The following HS3ST4 variants were observed in gnomAD, a reference collection of about 807,000 sequenced individuals.
HS3ST4 encodes heparan sulfate-glucosamine 3-sulfotransferase 4.
HS3ST4 carries 17 observed loss-of-function variants against 29.2 expected under a neutral mutation model. That is an observed-to-expected ratio of 0.58 (90% confidence interval 0.40 to 0.87). HS3ST4 has a LOEUF of 0.87. Among genes scored for constraint, HS3ST4 ranks in the 40% least tolerant of loss-of-function variants. The pLI is 0.00. For synonymous variants in HS3ST4, 314 were observed against 285.7 expected (o/e 1.10, Z -1.00); for missense variants, 627 against 634.5 (o/e 0.99, Z 0.13).
chr16:25,909,207 G>A (rs962354995), intron 1 of HS3ST4, among the ~76,000 whole-genome samples: 4 of 151,610 alleles, frequency 2.6e-5, no homozygotes, highest in African/African-American at 9.7e-5. Context: ...TCTTTTTTTC[G>A]AGATGGGCTC....
chr16:26,134,832 A>G (rs1319736804), intron 1 of HS3ST4, among the ~76,000 whole-genome samples: 1 of 152,200 alleles, frequency 6.6e-6, no homozygotes, highest in Non-Finnish European at 1.5e-5. Flanking sequence ...GAGTAAATAC[A>G]TTAGGCTTTG....
chr16:26,066,728 C>A (rs939460668), intron 1 of HS3ST4, among the ~76,000 whole-genome samples: 1 of 152,254 alleles, frequency 6.6e-6, no homozygotes, highest in Non-Finnish European at 1.5e-5. Flanking sequence ...TGCTGAATTT[C>A]TCCTGCCTAA....
intron 1 of HS3ST4, among the ~76,000 whole-genome samples, chr16:26,042,493 G>A (rs184271353): frequency 1.3e-5 from 2 of 152,218 alleles, no homozygotes; most frequent in Admixed American, 1.3e-4. Flanking sequence ...TTATTTCTCT[G>A]TTGTCCACAT....
At chr16:26,095,426 A>G (rs570716846) in intron 1 of HS3ST4, among the ~76,000 whole-genome samples, 4 of 152,258 alleles carry the variant, frequency 2.6e-5, no homozygotes, top group Non-Finnish European at 4.4e-5. Context: ...CTCTCAGACC[A>G]CAGTGCCATC....
chr16:25,810,512 G>C lies in HS3ST4; in HGVS notation c.734+117361G>C, dbSNP rs149835825. ...TTGTTGAGCTCTACTTCTCTGTTGC[G>C]TTTCTCTCTAGTAGTTCTCTCATTT... On this transcript the variant is annotated intron_variant, in intron 1 of 1. Transcript: ENST00000331351. Among the ~76,000 whole-genome samples the C allele has an allele frequency of 1.1e-4, 17 of 152,200 alleles. No homozygotes were observed. In the East Asian group the frequency reaches 2.9e-3, roughly 26 times the overall value.
intron 1 of HS3ST4, among the ~76,000 whole-genome samples, chr16:25,779,933 AAGG>A (rs1180003626): frequency 6.6e-6 from 1 of 152,202 alleles, no homozygotes; most frequent in African/African-American, 2.4e-5. Flanking sequence ...GGCATTGTCA[AAGG>A]AGGAGTCCAT....
At chr16:25,903,306 GTATATGTATATATTATA>G (rs1567268695) in intron 1 of HS3ST4, among the ~76,000 whole-genome samples, 6 of 133,074 alleles carry the variant, frequency 4.5e-5, no homozygotes, top group African/African-American at 8.2e-5. Flanking sequence ...GTGTGTGTAT[GTATATGTATATATTATA>G]TATATGTATA....
intron 1 of HS3ST4, among the ~76,000 whole-genome samples, chr16:25,735,429 C>A (rs1966601833): frequency 6.6e-6 from 1 of 151,846 alleles, no homozygotes; most frequent in South Asian, 2.1e-4. Context: ...TTATTTGTCA[C>A]CCAGGCTAGA....
intron 1 of HS3ST4, among the ~76,000 whole-genome samples, chr16:25,762,275 G>C (rs1966793093): frequency 6.6e-6 from 1 of 152,192 alleles, no homozygotes; most frequent in African/African-American, 2.4e-5. Flanking sequence ...GAGACACCCA[G>C]GTACTTGGGA....
intron 1 of HS3ST4, among the ~76,000 whole-genome samples, chr16:26,018,331 T>TG (rs1969380065): frequency 6.6e-6 from 1 of 152,108 alleles, no homozygotes; most frequent in Admixed American, 6.5e-5. Context: ...GGGGAGTTGT[T>TG]GGGGGGCACA....
At chr16:25,828,242 C>CTGTCTGTCTGTCTG (rs1371928058) in intron 1 of HS3ST4, among the ~76,000 whole-genome samples, 1 of 75,016 alleles carries the variant, frequency 1.3e-5, no homozygotes, top group African/African-American at 5.8e-5. Flanking sequence ...TTCTTTCTTT[C>CTGTCTGTCTGTCTG]TCTTTCTTTC....
intron 1 of HS3ST4, among the ~76,000 whole-genome samples, chr16:25,843,582 G>A (rs994875369): frequency 7.9e-5 from 12 of 152,128 alleles, no homozygotes; most frequent in Non-Finnish European, 1.3e-4. Context: ...TCATTGCAGG[G>A]AAAAAGGAAT....
chr16:25,794,691 A>C (rs539990916), intron 1 of HS3ST4, among the ~76,000 whole-genome samples: 26 of 151,776 alleles, frequency 1.7e-4, no homozygotes, highest in Non-Finnish European at 3.1e-4. Flanking sequence ...TTTCATTTTC[A>C]GCAGTTTATC....
chr16:25,938,262 T>C (rs114965444), intron 1 of HS3ST4, among the ~76,000 whole-genome samples: 478 of 152,222 alleles, frequency 3.1e-3, no homozygotes, highest in African/African-American at 0.011. Flanking sequence ...AGGAAAGCTC[T>C]CCGGAACAGC....
chr16:25,825,252 A>G (rs998591315), intron 1 of HS3ST4, among the ~76,000 whole-genome samples: 1 of 152,214 alleles, frequency 6.6e-6, no homozygotes, highest in Non-Finnish European at 1.5e-5. Flanking sequence ...CCTTCAGAGT[A>G]TGACTCTGCT....
At chr16:25,863,849 A>T (rs970131747) in intron 1 of HS3ST4, among the ~76,000 whole-genome samples, 1 of 152,236 alleles carries the variant, frequency 6.6e-6, no homozygotes, top group Non-Finnish European at 1.5e-5. Flanking sequence ...TCCGCCAGGG[A>T]TGCCAATAAC....
intron 1 of HS3ST4, among the ~76,000 whole-genome samples, chr16:25,727,549 G>A (rs549079812): frequency 6.6e-6 from 1 of 152,314 alleles, no homozygotes; most frequent in Middle Eastern, 3.4e-3. Flanking sequence ...TATTGATAGT[G>A]TGTTGTTTCT....
At chr16:26,089,545 G>C (rs1219675080) in intron 1 of HS3ST4, among the ~76,000 whole-genome samples, 1 of 152,180 alleles carries the variant, frequency 6.6e-6, no homozygotes, top group Non-Finnish European at 1.5e-5. Flanking sequence ...GAAAGAAGAA[G>C]GGAGCTTCAT....
At chr16:25,768,125 G>C (rs554744256) in intron 1 of HS3ST4, among the ~76,000 whole-genome samples, 2 of 152,288 alleles carry the variant, frequency 1.3e-5, no homozygotes, top group East Asian at 3.9e-4. Flanking sequence ...CTGGGGCGGA[G>C]CAAGATGCAG....
Sources: allele counts gnomAD v4.1 joint callset (sites outside exome capture counted in the v4.1 genomes callset), GRCh38; gene constraint gnomAD v4.1.1; transcripts MANE v1.5; gene names NCBI Gene and HGNC (gene_info 2026-07-23, HGNC 2026-07-21).